Variants in MIPOL1 observed in about 807,000 individuals in gnomAD.
MIPOL1 encodes the protein mirror-image polydactyly 1.
In MIPOL1, 57 loss-of-function variants were observed where a neutral mutation model predicts 60.9. That is an observed-to-expected ratio of 0.94 (90% CI 0.76 to 1.17). The LOEUF (loss-of-function observed/expected upper bound fraction) is 1.17. MIPOL1 is among the 50% of genes most tolerant of loss of function. The probability of loss-of-function intolerance (pLI) is 0.00; values close to 1 mark genes in which losing one functional copy is unlikely to be tolerated. For missense variants in MIPOL1, 551 were observed against 511.6 expected, an observed-to-expected ratio of 1.08 and a Z score of -0.74; for synonymous variants, 179 against 168.8, an observed-to-expected ratio of 1.06 and a Z score of -0.47.
chr14:37,435,950 A>G (rs1489717778), intron 11 of MIPOL1, among the ~76,000 whole-genome samples: 2 of 152,138 alleles, frequency 1.3e-5, no homozygotes, highest in African/African-American at 2.4e-5. Context: ...TTTTTTTAAA[A>G]TAGATTTTAT....
rs200218824 is a variant in MIPOL1, at chr14:37,267,054, G to C, written c.136G>C (p.Val46Leu). 1.9e-6 allele frequency: 3 copies of C among 1,613,858 alleles called. No homozygotes were observed. In the African/African-American group the frequency reaches 4.0e-5, roughly 22 times the overall value. ...KSMHRKSTEL[V>L]NEITCENTEW... ...TATGCATCGGAAATCCACTGAATTA[G>C]TTAATGAAATAACATGTGAGAACAC... Residue 46 changes from valine to leucine, a missense_variant, in exon 4 of 13, where the codon GTT becomes CTT. Coordinates refer to ENST00000684589, the MANE Select transcript of MIPOL1 (RefSeq NM_001388067.1).
chr14:37,499,831 G>A (rs1464487786), intron 11 of MIPOL1, 77 bp from the exon 12 acceptor site: 1 of 624,028 alleles, frequency 1.6e-6, no homozygotes, highest in Non-Finnish European at 2.6e-6. Context: ...GATTCTAAAT[G>A]GAGGTTTTTG....
chr14:37,389,534 T>C (rs2093174382), intron 10 of MIPOL1, among the ~76,000 whole-genome samples: 1 of 151,934 alleles, frequency 6.6e-6, no homozygotes, highest in African/African-American at 2.4e-5. Flanking sequence ...TTATATTATA[T>C]ATTTATTGTT....
intron 1 of MIPOL1, among the ~76,000 whole-genome samples, chr14:37,242,583 AC>A (rs1972526865): frequency 1.3e-5 from 2 of 152,276 alleles, no homozygotes; most frequent in African/African-American, 4.8e-5. Flanking sequence ...TTTTATTTAT[AC>A]CAGTTCTCTA....
intron 1 of MIPOL1, among the ~76,000 whole-genome samples, chr14:37,220,932 C>T (rs1336125552): frequency 2.6e-5 from 4 of 152,104 alleles, no homozygotes; most frequent in East Asian, 1.9e-4. Context: ...TGCACCACCA[C>T]GCCCAGCTAA....
intron 11 of MIPOL1, among the ~76,000 whole-genome samples, chr14:37,475,876 C>A (rs2094765456): frequency 6.6e-6 from 1 of 152,142 alleles, no homozygotes; most frequent in African/African-American, 2.4e-5. Flanking sequence ...CAATATTGTT[C>A]TCCTTATATA....
chr14:37,281,784 C>CT (rs1168342947), intron 6 of MIPOL1, among the ~76,000 whole-genome samples: 1 of 152,110 alleles, frequency 6.6e-6, no homozygotes, highest in African/African-American at 2.4e-5. Context: ...TGTTTGGGGT[C>CT]TTTTGTGATT....
intron 12 of MIPOL1, among the ~76,000 whole-genome samples, chr14:37,509,515 C>G (rs761998106): frequency 6.6e-6 from 1 of 151,786 alleles, no homozygotes; most frequent in Non-Finnish European, 1.5e-5. Flanking sequence ...GGATAGATGA[C>G]TCTGGGTGCT....
intron 9 of MIPOL1, among the ~76,000 whole-genome samples, chr14:37,347,716 A>G (rs911960590): frequency 6.6e-6 from 1 of 152,184 alleles, no homozygotes; most frequent in Non-Finnish European, 1.5e-5. Flanking sequence ...CTACAAAGGA[A>G]TTACTGTGAA....
chr14:37,539,210 T>C (rs1271197831), intron 12 of MIPOL1, among the ~76,000 whole-genome samples: 1 of 150,710 alleles, frequency 6.6e-6, no homozygotes, highest in Non-Finnish European at 1.5e-5. Context: ...TCAAAAAAAA[T>C]AAAATAAAAA....
chr14:37,299,913 T>A (rs943170643), intron 7 of MIPOL1, among the ~76,000 whole-genome samples: 7 of 152,078 alleles, frequency 4.6e-5, no homozygotes, highest in Admixed American at 2.6e-4. Context: ...TCTTGTGTTT[T>A]AAGACCTTGA....
intron 12 of MIPOL1, among the ~76,000 whole-genome samples, chr14:37,532,282 C>G (rs2095484299): frequency 6.6e-6 from 1 of 152,072 alleles, no homozygotes; most frequent in Non-Finnish European, 1.5e-5. Context: ...GTAACTCAGT[C>G]CCTGATATAG....
At chr14:37,406,038 A>T (rs998047203) in intron 10 of MIPOL1, among the ~76,000 whole-genome samples, 1 of 152,042 alleles carries the variant, frequency 6.6e-6, no homozygotes, top group African/African-American at 2.4e-5. Flanking sequence ...TAACATAATC[A>T]TACTGATTTT....
chr14:37,316,642 G>C (rs1476592083), intron 9 of MIPOL1, among the ~76,000 whole-genome samples: 1 of 147,710 alleles, frequency 6.8e-6, no homozygotes, highest in Non-Finnish European at 1.5e-5. Flanking sequence ...TAGCACATGT[G>C]GTTGTTGTAT....
chr14:37,214,331 A>T (rs775959381), intron 1 of MIPOL1, among the ~76,000 whole-genome samples: 5 of 152,218 alleles, frequency 3.3e-5, no homozygotes, highest in Non-Finnish European at 7.4e-5. Flanking sequence ...AATCAGGTAG[A>T]TGAAGTTAAG....
At chr14:37,224,986 C>T (rs982179279) in intron 1 of MIPOL1, among the ~76,000 whole-genome samples, 1 of 152,172 alleles carries the variant, frequency 6.6e-6, no homozygotes, top group Non-Finnish European at 1.5e-5. Context: ...CCCATGCAAG[C>T]CCAAAATCCA....
Position 37,512,478 on chromosome 14 carries a change from G to GA in MIPOL1, c.1262+12353dup, listed in dbSNP as rs570306658. On this transcript the variant is annotated intron_variant, in intron 12 of 12. Coordinates refer to ENST00000684589, the MANE Select transcript of MIPOL1 (RefSeq NM_001388067.1). ...AGAGCATTTCTAAAGTTTCTCAGTTGAAAAAAAAAAAAAGCCTGCTATTTT... is the reference window on the plus strand; with the variant it reads ...AGAGCATTTCTAAAGTTTCTCAGTTGAAAAAAAAAAAAAAGCCTGCTATTTT... 5.5e-3 allele frequency among the ~76,000 whole-genome samples: 697 copies of GA among 127,480 alleles called. 3 individuals carry two copies. The highest frequency in any genetic ancestry group is 0.017 in the South Asian group (67 of 3,898). 83.6% of individuals were successfully genotyped at this position (127,480 alleles called of 152,430 possible).
At chr14:37,465,770 A>C (rs2094590669) in intron 11 of MIPOL1, among the ~76,000 whole-genome samples, 1 of 152,134 alleles carries the variant, frequency 6.6e-6, no homozygotes, top group Admixed American at 6.6e-5. Flanking sequence ...ATTGAAATAC[A>C]TTTAAACTAT....
chr14:37,291,006 C>T (rs142590348), intron 7 of MIPOL1, among the ~76,000 whole-genome samples: 31 of 152,206 alleles, frequency 2.0e-4, no homozygotes, highest in African/African-American at 6.5e-4. Context: ...GGATAATGGC[C>T]TCCAGCTCCA....
Sources: allele counts gnomAD v4.1 joint callset (sites outside exome capture counted in the v4.1 genomes callset), GRCh38; gene constraint gnomAD v4.1.1; transcripts MANE v1.5; gene names NCBI Gene and HGNC (gene_info 2026-07-23, HGNC 2026-07-21).